The following FRMD4A variants were observed in gnomAD, a reference collection of about 807,000 sequenced individuals.
The protein encoded by FRMD4A is FERM domain containing 4A, also known as FERM domain-containing protein 4A.
A neutral mutation model predicts 129.1 loss-of-function variants in FRMD4A; 29 were observed. That is an observed-to-expected ratio of 0.22 (90% confidence interval 0.17 to 0.31). The LOEUF (loss-of-function observed/expected upper bound fraction) is 0.31. FRMD4A is among the 10% of genes least tolerant of loss of function. The pLI, the probability that FRMD4A is intolerant of heterozygous loss-of-function variation, is 1.00. For synonymous variants in FRMD4A, 634 were observed against 571.6 expected (o/e 1.11, Z -1.56); for missense variants, 1,272 against 1,375.8 (o/e 0.92, Z 1.19).
chr10:13,793,172 C>CTTT (rs1162846396), intron 5 of FRMD4A, among the ~76,000 whole-genome samples: 6 of 140,898 alleles, frequency 4.3e-5, no homozygotes, highest in African/African-American at 2.6e-5. Context: ...CCCTCTGTTT[C>CTTT]TTTTTTTTTT....
intron 3 of FRMD4A, among the ~76,000 whole-genome samples, chr10:13,811,301 T>G (rs933774078): frequency 2.0e-5 from 3 of 151,526 alleles, no homozygotes; most frequent in Non-Finnish European, 4.4e-5. Flanking sequence ...TTTTTTTTTT[T>G]TTTTTGGTTT....
intron 2 of FRMD4A, among the ~76,000 whole-genome samples, chr10:14,156,649 A>G (rs895657309): frequency 3.9e-5 from 6 of 152,168 alleles, no homozygotes; most frequent in Admixed American, 3.9e-4. Context: ...ACGTGGGTTT[A>G]TACCCTTCGT....
chr10:13,967,640 T>G (rs1039037067), intron 2 of FRMD4A, among the ~76,000 whole-genome samples: 1 of 152,252 alleles, frequency 6.6e-6, no homozygotes, highest in Non-Finnish European at 1.5e-5. Flanking sequence ...GAGTCAGTCC[T>G]CATGGTCGTC....
intron 2 of FRMD4A, among the ~76,000 whole-genome samples, chr10:14,149,947 T>C (rs1297660325): frequency 6.6e-6 from 1 of 152,154 alleles, no homozygotes; most frequent in African/African-American, 2.4e-5. Context: ...CCACAGGCTG[T>C]ACAGGAGACA....
At position 13,782,968 on chromosome 10, in the gene FRMD4A, G is replaced by T; in HGVS notation, c.338C>A (p.Ala113Asp). 1 of 1,514,230 alleles carries T rather than the reference G, an allele frequency of 6.6e-7. No individual in the cohort carries two copies. Among genetic ancestry groups the T allele is most frequent in the Non-Finnish European group, 9.2e-7 (1 of 1,088,676 alleles). The allele number at this position is 1,514,230 out of a possible 1,614,324, so 93.8% of individuals were successfully genotyped here. The change falls in exon 6 of 25, where the codon GCT (alanine) becomes GAT (aspartate). Residue 113 changes from alanine to aspartate, a missense_variant. Physicochemically the swap from Ala to Asp is moderately radical, Grantham distance 126. This residue lies in a region of FRMD4A where 300 missense variants were observed against 483.6 expected (regional missense o/e 0.62). Transcript: ENST00000357447. The stretch of plus-strand genomic sequence containing the variant: ...GTTCAGAAAGAAAAGCTCAATGGTA[G>T]CATTATCCTTCAGGTATGAAATGCT... ...IESISYLKDN[A>D]TIELFFLNAK...
intron 2 of FRMD4A, among the ~76,000 whole-genome samples, chr10:13,917,445 A>G (rs2095022929): frequency 6.6e-6 from 1 of 151,962 alleles, no homozygotes; most frequent in Non-Finnish European, 1.5e-5. Context: ...ATGCACCACC[A>G]TGCCCAGTTA....
intron 2 of FRMD4A, among the ~76,000 whole-genome samples, chr10:13,888,421 G>T (rs114510400): frequency 6.6e-6 from 1 of 152,090 alleles, no homozygotes; most frequent in African/African-American, 2.4e-5. Flanking sequence ...AGAGAGAAAC[G>T]GACAGCGCAG....
intron 2 of FRMD4A, among the ~76,000 whole-genome samples, chr10:14,003,375 A>C (rs1461693644): frequency 6.6e-6 from 1 of 152,158 alleles, no homozygotes; most frequent in Non-Finnish European, 1.5e-5. Flanking sequence ...TTCATCGTGG[A>C]CATGCTGGAT....
chr10:14,237,145 C>T (rs1843853098), intron 2 of FRMD4A, among the ~76,000 whole-genome samples: 1 of 151,842 alleles, frequency 6.6e-6, no homozygotes, highest in South Asian at 2.1e-4. Context: ...AGGGTGCCCA[C>T]AGCTGCACAG....
At chr10:13,926,515 C>G (rs1331206028) in intron 2 of FRMD4A, among the ~76,000 whole-genome samples, 1 of 152,234 alleles carries the variant, frequency 6.6e-6, no homozygotes, top group African/African-American at 2.4e-5. Flanking sequence ...AAGCCAAAGG[C>G]AAAGATAAGA....
At chr10:13,858,375 C>T (rs530020484) in intron 3 of FRMD4A, among the ~76,000 whole-genome samples, 1 of 152,302 alleles carries the variant, frequency 6.6e-6, no homozygotes, top group South Asian at 2.1e-4. Context: ...GCAGAGGTTG[C>T]AGTGAGCTGA....
intron 2 of FRMD4A, among the ~76,000 whole-genome samples, chr10:14,029,778 C>G (rs1017180812): frequency 6.7e-6 from 1 of 149,026 alleles, no homozygotes; most frequent in Admixed American, 6.7e-5. Flanking sequence ...TTATTTTGAT[C>G]ACCCAATTAG....
intron 12 of FRMD4A, among the ~76,000 whole-genome samples, chr10:13,712,396 C>T (rs2088114514): frequency 6.6e-6 from 1 of 152,050 alleles, no homozygotes; most frequent in African/African-American, 2.4e-5. Flanking sequence ...CGCCTGTAAT[C>T]CTAACTACTC....
intron 2 of FRMD4A, among the ~76,000 whole-genome samples, chr10:14,259,926 G>T (rs1159556461): frequency 6.6e-6 from 1 of 150,944 alleles, no homozygotes; most frequent in Non-Finnish European, 1.5e-5. Context: ...GGAGACTGTT[G>T]TCAGGGATGT....
chr10:14,182,854 T>C (rs1392964829), intron 2 of FRMD4A, among the ~76,000 whole-genome samples: 3 of 152,152 alleles, frequency 2.0e-5, no homozygotes, highest in Middle Eastern at 3.2e-3. Flanking sequence ...AGCAGGAGGG[T>C]TGAACAATTC....
intron 3 of FRMD4A, among the ~76,000 whole-genome samples, chr10:13,824,195 A>T (rs2093667275): frequency 1.3e-5 from 2 of 151,990 alleles, no homozygotes; most frequent in Non-Finnish European, 2.9e-5. Flanking sequence ...CAAAAAAACC[A>T]GGCTGGGTGC....
chr10:13,937,647 T>A (rs1361619296), intron 2 of FRMD4A, among the ~76,000 whole-genome samples: 2 of 152,154 alleles, frequency 1.3e-5, no homozygotes, highest in Non-Finnish European at 2.9e-5. Context: ...TGGGCATCAG[T>A]GCTCATAAAT....
chr10:13,860,831 T>TC (rs1226467159), intron 2 of FRMD4A, among the ~76,000 whole-genome samples: 2 of 152,044 alleles, frequency 1.3e-5, no homozygotes, highest in Non-Finnish European at 2.9e-5. Flanking sequence ...CAGGCTGGGG[T>TC]GCAGTGGTAT....
At chr10:14,187,326 A>G (rs1025026194) in intron 2 of FRMD4A, among the ~76,000 whole-genome samples, 57 of 152,336 alleles carry the variant, frequency 3.7e-4, no homozygotes, top group African/African-American at 1.3e-3. Flanking sequence ...ATCATTTCAC[A>G]GATAAGTAAA....
Sources: gnomAD v4.1 joint callset for allele counts (sites outside exome capture counted in the v4.1 genomes callset) on GRCh38, gnomAD v4.1.1 for gene constraint, gnomAD v4.1.1 regional missense constraint, MANE v1.5 for transcripts, NCBI Gene and HGNC (gene_info 2026-07-23, HGNC 2026-07-21) for gene names.